The following MAGI2 variants were observed in gnomAD, a reference collection of about 807,000 sequenced individuals.
MAGI2 encodes the protein membrane-associated guanylate kinase, WW and PDZ domain-containing protein 2.
A neutral mutation model predicts 133.3 loss-of-function variants in MAGI2; 35 were observed. The observed-to-expected ratio is 0.26, with a 90% CI of 0.20 to 0.35. The LOEUF is 0.35. Ranked by LOEUF, MAGI2 falls within the 10% of genes least tolerant of loss-of-function variation. The pLI is 1.00. For synonymous variants in MAGI2, 729 were observed against 710.6 expected (o/e 1.03, Z -0.41); for missense variants, 1,636 against 1,863.4 (o/e 0.88, Z 2.25).
intron 2 of MAGI2, among the ~76,000 whole-genome samples, chr7:78,821,353 T>C (rs78151427): frequency 0.017 from 2,571 of 152,026 alleles, 84 homozygotes; most frequent in African/African-American, 0.059. Flanking sequence ...CTCTCTCTAT[T>C]GGGAGAAATA....
chr7:78,836,129 C>A (rs969525632), intron 2 of MAGI2, among the ~76,000 whole-genome samples: 1 of 152,172 alleles, frequency 6.6e-6, no homozygotes, highest in African/African-American at 2.4e-5. Flanking sequence ...TGGTAACTAA[C>A]TCCTATAACG....
intron 2 of MAGI2, among the ~76,000 whole-genome samples, chr7:78,710,747 C>T (rs1468907344): frequency 6.6e-6 from 1 of 152,182 alleles, no homozygotes; most frequent in Non-Finnish European, 1.5e-5. Context: ...TCAAAAGATA[C>T]AAAAACTCTA....
At chr7:78,187,565 T>C (rs2150713776) in intron 12 of MAGI2, among the ~76,000 whole-genome samples, 1 of 152,310 alleles carries the variant, frequency 6.6e-6, no homozygotes, top group East Asian at 1.9e-4. Context: ...GCTTTTTCAT[T>C]GAGTTTTGTT....
intron 1 of MAGI2, among the ~76,000 whole-genome samples, chr7:79,021,147 G>T (rs1809286997): frequency 6.6e-6 from 1 of 152,244 alleles, no homozygotes. Flanking sequence ...GAGGATGTAT[G>T]GAAACACCTG....
intron 21 of MAGI2, among the ~76,000 whole-genome samples, chr7:78,055,439 A>G (rs1812464735): frequency 6.6e-6 from 1 of 152,176 alleles, no homozygotes; most frequent in Non-Finnish European, 1.5e-5. Flanking sequence ...GTGTTCTATT[A>G]GTATTTGTCT....
At chr7:78,165,421 T>C (rs1234247072) in intron 15 of MAGI2, among the ~76,000 whole-genome samples, 1 of 152,228 alleles carries the variant, frequency 6.6e-6, no homozygotes, top group African/African-American at 2.4e-5. Flanking sequence ...TTGCTCAGTG[T>C]AACTAACCTT....
intron 1 of MAGI2, among the ~76,000 whole-genome samples, chr7:79,276,631 G>A (rs996420125): frequency 1.3e-5 from 2 of 152,150 alleles, no homozygotes; most frequent in South Asian, 2.1e-4. Context: ...ATCTACCCCT[G>A]TGAAGTTACT....
chr7:79,253,358 G>A (rs1010325041), intron 1 of MAGI2, among the ~76,000 whole-genome samples: 2 of 152,012 alleles, frequency 1.3e-5, no homozygotes, highest in African/African-American at 4.8e-5. Flanking sequence ...ATCTGACACT[G>A]TTGGCCAGGC....
At chr7:78,908,563 T>A (rs1229165517) in intron 2 of MAGI2, among the ~76,000 whole-genome samples, 2 of 152,154 alleles carry the variant, frequency 1.3e-5, no homozygotes, top group Non-Finnish European at 2.9e-5. Context: ...CAAATAATAT[T>A]TAGAGGTAGA....
intron 2 of MAGI2, among the ~76,000 whole-genome samples, chr7:78,630,244 CTTTTT>C (rs964436203): frequency 2.6e-5 from 4 of 151,272 alleles, no homozygotes; most frequent in Non-Finnish European, 4.4e-5. Context: ...GAGTTTAACT[CTTTTT>C]TTTGTCTATA....
chr7:78,268,460 A>G (rs978776625), intron 9 of MAGI2, among the ~76,000 whole-genome samples: 2 of 152,156 alleles, frequency 1.3e-5, no homozygotes, highest in African/African-American at 4.8e-5. Context: ...AGCATTCCAG[A>G]GACTTCATTT....
At chr7:78,510,978 C>T (rs1053495503) in intron 4 of MAGI2, among the ~76,000 whole-genome samples, 2 of 152,126 alleles carry the variant, frequency 1.3e-5, no homozygotes, top group African/African-American at 4.8e-5. Flanking sequence ...GTGGTAGTGG[C>T]CACTGTGTTG....
chr7:78,347,889 CTAA>C (rs1447237306), intron 7 of MAGI2, among the ~76,000 whole-genome samples: 3 of 152,184 alleles, frequency 2.0e-5, no homozygotes, highest in Non-Finnish European at 4.4e-5. Flanking sequence ...GCACAGTGAA[CTAA>C]TAATATCTGT....
At chr7:78,485,303 T>C (rs929553151) in intron 6 of MAGI2, 2 of 152,038 alleles carry the variant, frequency 1.3e-5, no homozygotes, top group Admixed American at 6.6e-5. Context: ...GAGACATTTT[T>C]TTCTGCCATG....
intron 21 of MAGI2, among the ~76,000 whole-genome samples, chr7:78,075,044 T>C (rs1164870692): frequency 6.6e-6 from 1 of 152,230 alleles, no homozygotes; most frequent in African/African-American, 2.4e-5. Context: ...TGTGTCTCGC[T>C]GTATCTAAAC....
At chr7:79,174,003 T>C (rs1825857587) in intron 1 of MAGI2, among the ~76,000 whole-genome samples, 1 of 151,798 alleles carries the variant, frequency 6.6e-6, no homozygotes. Flanking sequence ...CGGAATGGGA[T>C]GGAAAGGAAA....
At chr7:78,345,093 T>A (rs1790760872) in intron 8 of MAGI2, among the ~76,000 whole-genome samples, 1 of 152,224 alleles carries the variant, frequency 6.6e-6, no homozygotes, top group South Asian at 2.1e-4. Context: ...AGTCATTCTA[T>A]TAGACTTCTG....
At chr7:78,979,072 A>G (rs1039534827) in intron 2 of MAGI2, among the ~76,000 whole-genome samples, 2 of 151,900 alleles carry the variant, frequency 1.3e-5, no homozygotes, top group Non-Finnish European at 2.9e-5. Context: ...TTCATTTAAT[A>G]TAAATATACA....
chr7:79,010,154 AGTAT>A (rs934978353), intron 1 of MAGI2, among the ~76,000 whole-genome samples: 54 of 152,144 alleles, frequency 3.5e-4, no homozygotes, highest in African/African-American at 1.2e-3. Context: ...GTGTATACAC[AGTAT>A]GTGTGTATAA....
Sources: gnomAD v4.1 joint callset for allele counts (sites outside exome capture counted in the v4.1 genomes callset) on GRCh38, gnomAD v4.1.1 for gene constraint, MANE v1.5 for transcripts, NCBI Gene and HGNC (gene_info 2026-07-23, HGNC 2026-07-21) for gene names.